OR4K1: variants seen among roughly 807,000 people sequenced by gnomAD.
The protein encoded by OR4K1 is olfactory receptor family 4 subfamily K member 1.
A neutral mutation model predicts 14.4 loss-of-function variants in OR4K1; 16 were observed. The ratio of observed to expected loss-of-function variants is 1.11; its 90% confidence interval spans 0.75 to 1.68. The LOEUF (loss-of-function observed/expected upper bound fraction) is 1.68. Ranked by LOEUF, OR4K1 falls within the 40% of genes most tolerant of loss-of-function variation. The pLI is 0.00. For synonymous variants in OR4K1, 181 were observed against 133.1 expected, an observed-to-expected ratio of 1.36 and a Z score of -2.48; for missense variants, 548 against 376.9, an observed-to-expected ratio of 1.45 and a Z score of -3.76.
At chr14:19,920,921 C>T in the OR4K1 span, 2 of 1,614,178 alleles carry the variant, frequency 1.2e-6, no homozygotes, top group South Asian at 1.1e-5. Flanking sequence ...TCTTTATTCA[C>T]CTTTTTACTG....
intron 1 of OR4K1, among the ~76,000 whole-genome samples, chr14:19,934,100 T>C (rs939587671): frequency 1.3e-5 from 2 of 152,264 alleles, no homozygotes; most frequent in Non-Finnish European, 2.9e-5. Flanking sequence ...CTAAATAACC[T>C]GGTTCTAACA....
intron 1 of OR4K1, 80 bp from the exon 2 acceptor site, chr14:19,935,568 T>C: frequency 9.4e-7 from 1 of 1,064,538 alleles, no homozygotes; most frequent in Non-Finnish European, 1.4e-6. Context: ...TGTTTAGAAT[T>C]GACTATATTT....
chr14:19,923,917 G>A, the OR4K1 span, among the ~76,000 whole-genome samples: 2 of 152,122 alleles, frequency 1.3e-5, no homozygotes, highest in African/African-American at 4.8e-5. Flanking sequence ...TACTCATGTG[G>A]GTTCTGTCTC....
Position 19,936,436 on chromosome 14 carries a change from T to G in OR4K1, c.770T>G (p.Phe257Cys), listed in dbSNP as rs779787154. ...CTTTTCTTCGGGCCTTGCATTTATTTCTATATATGGCCTTTTAGCAGACTT... is the reference window on the plus strand; with the variant it reads ...CTTTTCTTCGGGCCTTGCATTTATTGCTATATATGGCCTTTTAGCAGACTT... ...VILFFGPCIY[F>C]YIWPFSRLPV... is the part of the protein sequence containing the mutation. Residue 257 changes from phenylalanine (F) to cysteine (C), a missense_variant, in exon 2 of 2, where the codon TTC (phenylalanine) becomes TGC (cysteine). By Grantham distance (205) the Phe-to-Cys change is radical. Coordinates refer to ENST00000641172, the MANE Select transcript of OR4K1 (RefSeq NM_001004063.3). 6.2e-7 allele frequency: 1 copy of G among 1,614,160 alleles called. No homozygotes were observed. The highest frequency in any genetic ancestry group is 1.7e-5 in the Admixed American group (1 of 60,028).
At chr14:19,933,896 T>A (rs1044246569) in intron 1 of OR4K1, among the ~76,000 whole-genome samples, 1 of 152,216 alleles carries the variant, frequency 6.6e-6, no homozygotes, top group Non-Finnish European at 1.5e-5. Flanking sequence ...GCATTCTTCT[T>A]AAAACCAATT....
At chr14:19,934,484 G>A (rs2138595385) in intron 1 of OR4K1, among the ~76,000 whole-genome samples, 1 of 152,304 alleles carries the variant, frequency 6.6e-6, no homozygotes, top group East Asian at 1.9e-4. Context: ...ACATGTTGTT[G>A]GTTATTGTTT....
intron 1 of OR4K1, among the ~76,000 whole-genome samples, chr14:19,933,315 G>A (rs1882227733): frequency 6.6e-6 from 1 of 152,110 alleles, no homozygotes; most frequent in East Asian, 1.9e-4. Flanking sequence ...TCCACAATGA[G>A]TCAAATGCTA....
chr14:19,923,566 ATG>A, the OR4K1 span, among the ~76,000 whole-genome samples: 12 of 152,174 alleles, frequency 7.9e-5, no homozygotes, highest in Admixed American at 2.0e-4. Context: ...TTACAAATAA[ATG>A]TTGAAAAAGA....
Position 19,936,173 on chromosome 14 carries a change from T to G in OR4K1, c.507T>G (p.Cys169Trp), listed in dbSNP as rs1213621479. ...HLAFTVDLPF[C>W]GPNEVDSFFC... Reference sequence around the variant, plus strand: ...CTTTTACAGTGGACCTGCCATTCTGTGGTCCCAATGAGGTGGATAGCTTCT... The same window carrying G: ...CTTTTACAGTGGACCTGCCATTCTGGGGTCCCAATGAGGTGGATAGCTTCT... The change falls in exon 2 of 2, where the codon TGT becomes TGG. Residue 169 changes from cysteine to tryptophan, a missense_variant. Transcript: ENST00000641172. The G allele has an allele frequency of 3.7e-6, 6 of 1,614,276 alleles. No individual in the cohort carries two copies. Among genetic ancestry groups the G allele is most frequent in the Admixed American group, 1.7e-5 (1 of 60,034 alleles).
At chr14:19,924,975 T>TA in the OR4K1 span, among the ~76,000 whole-genome samples, 1 of 152,082 alleles carries the variant, frequency 6.6e-6, no homozygotes, top group Non-Finnish European at 1.5e-5. Flanking sequence ...GAAAAATAAA[T>TA]AAAAAAATAA....
chr14:19,922,651 T>C, the OR4K1 span, among the ~76,000 whole-genome samples: 2 of 94,636 alleles, frequency 2.1e-5, no homozygotes. Flanking sequence ...TTTTTACATG[T>C]ACTCTTTTTT....
chr14:19,933,474 T>TA (rs1470654439), intron 1 of OR4K1, among the ~76,000 whole-genome samples: 1 of 152,232 alleles, frequency 6.6e-6, no homozygotes, highest in Non-Finnish European at 1.5e-5. Context: ...CACACATGAT[T>TA]AGAGATGCCA....
Position 19,936,575 on chromosome 14 carries a change from C to A in OR4K1, c.909C>A (p.Asn303Lys). Residue 303 changes from asparagine to lysine, a missense_variant, in exon 2 of 2, where the codon AAC becomes AAA. By Grantham distance (94) the Asn-to-Lys change is moderately conservative. Coordinates refer to ENST00000641172, the MANE Select transcript of OR4K1 (RefSeq NM_001004063.3). ...DVKAAMWKLR[N>K]RHVNSWKN ...AAGCAGCCATGTGGAAGCTGAGAAA[C>A]CGTCATGTGAACTCCTGGAAAAACT... 3.1e-6 allele frequency: 5 copies of A among 1,606,168 alleles called. No homozygotes were observed. The highest frequency in any genetic ancestry group is 1.3e-5 in the African/African-American group (1 of 74,602).
At chr14:19,929,961 A>G (rs1882150062), upstream of OR4K1, among the ~76,000 whole-genome samples, 1 of 152,214 alleles carries the variant, frequency 6.6e-6, no homozygotes, top group South Asian at 2.1e-4. Context: ...AAGTGTGTCC[A>G]TTGATTTGGT....
the OR4K1 span, among the ~76,000 whole-genome samples, chr14:19,923,070 G>A: frequency 1.0e-3 from 153 of 152,200 alleles, no homozygotes; most frequent in African/African-American, 3.2e-3. Flanking sequence ...GAATTTCATC[G>A]CTTTGTAACT....
At position 19,936,336 on chromosome 14, in the gene OR4K1, G is replaced by T. The variant is rs199618384; in HGVS notation, c.670G>T (p.Gly224Cys). The T allele has an allele frequency of 8.7e-6, 14 of 1,614,066 alleles. No individual in the cohort carries two copies. Among genetic ancestry groups the T allele is most frequent in the African/African-American group, 2.7e-5 (2 of 74,906 alleles). Residue 224 changes from glycine to cysteine, a missense_variant, in exon 2 of 2, where the codon GGT becomes TGT. Coordinates refer to ENST00000641172, the MANE Select transcript of OR4K1 (RefSeq NM_001004063.3). ...LIISYTIILI[G>C]VRCRSSSGSS... ...TATTTCCTACACCATCATTTTGATC[G>T]GTGTCCGATGCAGGTCCTCCAGTGG...
chr14:19,920,996 A>C, the OR4K1 span: 4 of 1,614,176 alleles, frequency 2.5e-6, no homozygotes, highest in Admixed American at 6.7e-5. Flanking sequence ...GCAAACCCTT[A>C]TACTATGTGG....
At chr14:19,921,025 C>T in the OR4K1 span, 1 of 1,614,178 alleles carries the variant, frequency 6.2e-7, no homozygotes, top group Non-Finnish European at 8.5e-7. Context: ...AGCCGAAGGA[C>T]ATGCACTGTC....
At chr14:19,934,802 G>A (rs988963161) in intron 1 of OR4K1, among the ~76,000 whole-genome samples, 1 of 151,982 alleles carries the variant, frequency 6.6e-6, no homozygotes, top group South Asian at 2.1e-4. Context: ...TCCCAAGTAG[G>A]GGGGAATACA....
Sources: gnomAD v4.1 joint callset for allele counts (sites outside exome capture counted in the v4.1 genomes callset) on GRCh38, gnomAD v4.1.1 for gene constraint, MANE v1.5 for transcripts, NCBI Gene and HGNC (gene_info 2026-07-23, HGNC 2026-07-21) for gene names.